Variants in STAMBPL1 observed in about 807,000 individuals in gnomAD.
STAMBPL1 encodes the protein STAM binding protein like 1, also known as AMSH-like protease.
STAMBPL1 carries 44 observed loss-of-function variants against 52.9 expected under a neutral mutation model. The observed-to-expected ratio is 0.83, with a 90% CI of 0.65 to 1.07. STAMBPL1 has a LOEUF of 1.07. STAMBPL1 is among the 50% of genes least tolerant of loss of function. The probability of loss-of-function intolerance (pLI) is 0.00; values close to 1 mark genes in which losing one functional copy is unlikely to be tolerated. For missense variants in STAMBPL1, 511 were observed against 520.8 expected (o/e 0.98, Z 0.18); for synonymous variants, 164 against 177.3 (o/e 0.92, Z 0.60).
chr10:88,901,599 AT>A (rs962837888), intron 1 of STAMBPL1, 56 bp from the exon 2 acceptor site: 97 of 1,125,564 alleles, frequency 8.6e-5, no homozygotes, highest in Middle Eastern at 2.0e-4. Flanking sequence ...GGGGTTTGGG[AT>A]TTCAAACTTG....
chr10:88,922,489 C>T (rs183309948), intron 10 of STAMBPL1, 53 bp downstream of exon 10: 2 of 1,534,328 alleles, frequency 1.3e-6, no homozygotes, highest in Admixed American at 3.4e-5. Flanking sequence ...CACTGCCCCC[C>T]CAATCTGTTT....
chr10:88,901,291 T>A (rs1844936988), intron 1 of STAMBPL1: 1 of 153,290 alleles, frequency 6.5e-6, no homozygotes, highest in Non-Finnish European at 1.5e-5. Context: ...AGACTGGCTC[T>A]AAGTTTAACA....
In STAMBPL1 at chr10:88,923,277, G is replaced by T; in HGVS notation, c.*53G>T. 6.6e-7 allele frequency: 1 copy of T among 1,526,292 alleles called. No individual in the cohort carries two copies. Among genetic ancestry groups the T allele is most frequent in the Non-Finnish European group, 8.7e-7 (1 of 1,143,394 alleles). The allele number at this position is 1,526,292 out of a possible 1,614,324, so 94.5% of individuals were successfully genotyped here. The stretch of plus-strand genomic sequence containing the variant: ...ATCAGACACCTACTCATGGACATGT[G>T]GTTGCCGGATTTTCTTAAGATGTTT... On this transcript the variant is annotated 3_prime_UTR_variant, in exon 11 of 11. Coordinates refer to ENST00000371926, the MANE Select transcript of STAMBPL1 (RefSeq NM_020799.4).
At chr10:88,892,501 G>A (rs905002915) in intron 1 of STAMBPL1, among the ~76,000 whole-genome samples, 9 of 152,136 alleles carry the variant, frequency 5.9e-5, no homozygotes, top group African/African-American at 1.9e-4. Flanking sequence ...AGGTAGGAAG[G>A]GGATGAATGG....
At chr10:88,912,814 T>C (rs1466706220) in intron 5 of STAMBPL1, 2 of 311,168 alleles carry the variant, frequency 6.4e-6, no homozygotes, top group Admixed American at 9.4e-5. Context: ...GCAAACAACC[T>C]TGACGTTGAT....
chr10:88,889,145 A>T (rs372218631), intron 1 of STAMBPL1, among the ~76,000 whole-genome samples: 2 of 152,242 alleles, frequency 1.3e-5, no homozygotes, highest in Non-Finnish European at 2.9e-5. Context: ...TTCATATGCT[A>T]TAGAGATTCT....
At chr10:88,916,593 C>G in intron 7 of STAMBPL1, 87 bp from the exon 8 acceptor site, 1 of 1,382,740 alleles carries the variant, frequency 7.2e-7, no homozygotes, top group South Asian at 1.5e-5. Context: ...CTGGGGGACT[C>G]TTTAGTCTTA....
chr10:88,904,602 C>T (rs538515400), intron 2 of STAMBPL1, among the ~76,000 whole-genome samples: 2 of 152,252 alleles, frequency 1.3e-5, no homozygotes, highest in South Asian at 4.1e-4. Flanking sequence ...CTAGCAGAGC[C>T]TAAGATACTT....
intron 1 of STAMBPL1, among the ~76,000 whole-genome samples, chr10:88,887,058 A>G (rs192251607): frequency 1.4e-3 from 216 of 152,242 alleles, no homozygotes; most frequent in Non-Finnish European, 2.4e-3. Flanking sequence ...TTGTCCTTGA[A>G]AGGTTGGTTT....
intron 1 of STAMBPL1, among the ~76,000 whole-genome samples, chr10:88,899,663 C>T (rs894197788): frequency 6.6e-6 from 1 of 152,102 alleles, no homozygotes; most frequent in African/African-American, 2.4e-5. Context: ...GCGTGCACTA[C>T]CACGCCTGGC....
chr10:88,914,067 A>T (rs977904600), intron 6 of STAMBPL1, among the ~76,000 whole-genome samples: 5 of 152,182 alleles, frequency 3.3e-5, no homozygotes, highest in Non-Finnish European at 7.4e-5. Context: ...ATGAGCGATA[A>T]TAGGCAACCA....
intron 2 of STAMBPL1, among the ~76,000 whole-genome samples, chr10:88,905,176 C>G (rs1407984840): frequency 6.6e-6 from 1 of 152,002 alleles, no homozygotes; most frequent in East Asian, 1.9e-4. Flanking sequence ...ATTTGCATAC[C>G]CTGAAACCTA....
chr10:88,911,218 A>T (rs1845215888), intron 5 of STAMBPL1, among the ~76,000 whole-genome samples: 1 of 152,260 alleles, frequency 6.6e-6, no homozygotes, highest in Non-Finnish European at 1.5e-5. Context: ...TCCCTACAAT[A>T]TCTAACAAAG....
chr10:88,901,567 T>C (rs1844943662), intron 1 of STAMBPL1, 89 bp from the exon 2 acceptor site: 1 of 664,756 alleles, frequency 1.5e-6, no homozygotes, highest in Non-Finnish European at 2.5e-6. Context: ...TGTTCCTGTT[T>C]GTCTGAGGCA....
intron 1 of STAMBPL1, among the ~76,000 whole-genome samples, chr10:88,890,530 C>A (rs1177553544): frequency 6.6e-6 from 1 of 152,140 alleles, no homozygotes; most frequent in Non-Finnish European, 1.5e-5. Context: ...TCTGCACATG[C>A]AGGTGATAGA....
At chr10:88,911,438 G>A (rs551970344) in intron 5 of STAMBPL1, among the ~76,000 whole-genome samples, 2 of 152,262 alleles carry the variant, frequency 1.3e-5, no homozygotes, top group South Asian at 2.1e-4. Flanking sequence ...AGTCAGTATT[G>A]CATTGAGATA....
chr10:88,894,298 A>T (rs72809314), intron 1 of STAMBPL1, among the ~76,000 whole-genome samples: 15,422 of 152,080 alleles, frequency 0.1, 961 homozygotes, highest in Non-Finnish European at 0.15. Context: ...AACTGAGATC[A>T]TGTGTGTTCA....
chr10:88,912,916 T>A, intron 5 of STAMBPL1, 185 bp from the exon 6 acceptor site: 1 of 627,386 alleles, frequency 1.6e-6, no homozygotes, highest in Admixed American at 2.7e-5. Flanking sequence ...AACTGCTATG[T>A]TAATCAGATC....
chr10:88,880,911 A>C lies in STAMBPL1; in HGVS notation c.-54+273A>C, dbSNP rs117176501. Among the ~76,000 whole-genome samples, 1,390 of 152,252 alleles carry C rather than the reference A, an allele frequency of 9.1e-3. 37 individuals are homozygous for C. In the East Asian group the frequency reaches 0.11, roughly 12 times the overall value. The stretch of plus-strand genomic sequence containing the variant: ...TTCACCTTGATAGGGAGGCAGGAAG[A>C]CCTGGCTGCTGGTGGCAGGGCGGGA... On this transcript the variant is annotated intron_variant, in intron 1 of 10. Transcript: ENST00000371926.
Sources: allele counts gnomAD v4.1 joint callset (sites outside exome capture counted in the v4.1 genomes callset), GRCh38; gene constraint gnomAD v4.1.1; transcripts MANE v1.5; gene names NCBI Gene and HGNC (gene_info 2026-07-23, HGNC 2026-07-21).